The following CALN1 variants were observed in gnomAD, a reference collection of about 807,000 sequenced individuals.
CALN1 encodes calcium-binding protein 8.
In CALN1, 17 loss-of-function variants were observed where a neutral mutation model predicts 30.6. The ratio of observed to expected loss-of-function variants is 0.56; its 90% CI spans 0.38 to 0.83. The LOEUF is 0.83. Ranked by LOEUF, CALN1 falls within the 40% of genes least tolerant of loss-of-function variation. The probability of loss-of-function intolerance (pLI) is 0.00; values close to 1 mark genes in which losing one functional copy is unlikely to be tolerated. For missense variants in CALN1, 291 were observed against 354.9 expected, an observed-to-expected ratio of 0.82 and a Z score of 1.45; for synonymous variants, 156 against 131.4, an observed-to-expected ratio of 1.19 and a Z score of -1.28.
intron 2 of CALN1, among the ~76,000 whole-genome samples, chr7:72,326,099 C>T (rs767335553): frequency 8.5e-5 from 13 of 152,214 alleles, no homozygotes; most frequent in Admixed American, 2.6e-4. Context: ...GACGCAGTTT[C>T]ACCATGTTGG....
At chr7:72,014,542 A>G (rs1800271707) in intron 5 of CALN1, among the ~76,000 whole-genome samples, 1 of 152,182 alleles carries the variant, frequency 6.6e-6, no homozygotes. Context: ...TCAAATGTCT[A>G]TCAGTTGTCT....
the CALN1 span, among the ~76,000 whole-genome samples, chr7:72,462,668 C>T: frequency 1.3e-4 from 20 of 152,336 alleles, no homozygotes; most frequent in East Asian, 3.9e-4. Flanking sequence ...GCTTGCCCCA[C>T]GCAGGTTCAC....
intron 5 of CALN1, among the ~76,000 whole-genome samples, chr7:71,886,901 C>A (rs1792944306): frequency 1.3e-5 from 2 of 152,078 alleles, no homozygotes; most frequent in Non-Finnish European, 2.9e-5. Flanking sequence ...CAGAGACATG[C>A]CCTGAAACCA....
chr7:72,435,121 G>C (rs1156822327), intron 1 of CALN1, among the ~76,000 whole-genome samples: 1 of 152,036 alleles, frequency 6.6e-6, no homozygotes, highest in Non-Finnish European at 1.5e-5. Flanking sequence ...TGTAGTCCTA[G>C]CTATTCAGAA....
chr7:72,416,734 CAAAAAAA>C (rs4029798), upstream of CALN1, among the ~76,000 whole-genome samples: 8 of 77,692 alleles, frequency 1.0e-4, no homozygotes, highest in Non-Finnish European at 1.3e-4. Flanking sequence ...GACTCTGTCT[CAAAAAAA>C]AAAAAAAAAA....
the CALN1 span, among the ~76,000 whole-genome samples, chr7:72,499,902 T>TTTCTTTCA: frequency 1.8e-5 from 1 of 56,374 alleles, no homozygotes; most frequent in Non-Finnish European, 3.3e-5. Context: ...TCTTTCTTTC[T>TTTCTTTCA]TTCTTTCTTT....
intron 3 of CALN1, among the ~76,000 whole-genome samples, chr7:72,181,535 A>G (rs889981730): frequency 1.3e-5 from 2 of 148,668 alleles, no homozygotes; most frequent in African/African-American, 2.5e-5. Context: ...CTGGAGTGCT[A>G]TGGCATGGTC....
At chr7:71,909,402 G>A (rs532614708) in intron 5 of CALN1, among the ~76,000 whole-genome samples, 3 of 151,962 alleles carry the variant, frequency 2.0e-5, no homozygotes, top group African/African-American at 7.2e-5. Flanking sequence ...TCTCATGCAA[G>A]CACACCATTT....
intron 3 of CALN1, among the ~76,000 whole-genome samples, chr7:72,242,482 C>G (rs761338487): frequency 6.6e-6 from 1 of 152,214 alleles, no homozygotes; most frequent in Non-Finnish European, 1.5e-5. Context: ...AAAATCCACT[C>G]TAGTGGAGGA....
chr7:72,280,153 T>C (rs1797638836), intron 2 of CALN1, among the ~76,000 whole-genome samples: 1 of 152,196 alleles, frequency 6.6e-6, no homozygotes, highest in South Asian at 2.1e-4. Context: ...TAAAAATGAA[T>C]TAATTATCTT....
intron 2 of CALN1, among the ~76,000 whole-genome samples, chr7:72,314,581 C>T (rs1033726932): frequency 3.3e-5 from 5 of 151,476 alleles, no homozygotes; most frequent in Admixed American, 2.0e-4. Flanking sequence ...CACCACCACA[C>T]CTGGCTAATT....
chr7:72,028,329 A>G (rs1039754174), intron 4 of CALN1, among the ~76,000 whole-genome samples: 8 of 152,280 alleles, frequency 5.3e-5, no homozygotes, highest in East Asian at 3.9e-4. Context: ...GAACTGGTGC[A>G]TTTCACAGGT....
intron 2 of CALN1, among the ~76,000 whole-genome samples, chr7:72,287,950 C>T (rs1048500295): frequency 1.3e-5 from 2 of 151,864 alleles, no homozygotes; most frequent in Admixed American, 6.6e-5. Context: ...AATTGCACTC[C>T]AAAGTGATTG....
At chr7:72,429,960 C>T (rs1807920358) in intron 1 of CALN1, among the ~76,000 whole-genome samples, 1 of 150,358 alleles carries the variant, frequency 6.7e-6, no homozygotes, top group Non-Finnish European at 1.5e-5. Flanking sequence ...GCTGGGATTA[C>T]AGGCACCTGC....
chr7:71,936,454 A>G (rs996618773), intron 5 of CALN1, among the ~76,000 whole-genome samples: 1 of 150,150 alleles, frequency 6.7e-6, no homozygotes, highest in Non-Finnish European at 1.5e-5. Flanking sequence ...CTCCTCTGGC[A>G]CTGTACACCA....
chr7:72,204,585 C>A (rs574117222), intron 3 of CALN1, among the ~76,000 whole-genome samples: 1 of 152,250 alleles, frequency 6.6e-6, no homozygotes, highest in Admixed American at 6.5e-5. Flanking sequence ...GAGATCAAAT[C>A]ACTTTTCCAC....
chr7:71,994,851 AT>A (rs564198396), intron 5 of CALN1, among the ~76,000 whole-genome samples: 15,375 of 123,056 alleles, frequency 0.12, 2,302 homozygotes, highest in African/African-American at 0.37. Context: ...GCCCCTTCCT[AT>A]TTTTTTTTTT....
chr7:72,215,246 A>T (rs995058057), intron 3 of CALN1, among the ~76,000 whole-genome samples: 1 of 152,156 alleles, frequency 6.6e-6, no homozygotes, highest in Non-Finnish European at 1.5e-5. Flanking sequence ...CCTCTCCAGA[A>T]GCCTGACCCA....
chr7:72,036,136 AT>A (rs1394538106), intron 4 of CALN1, among the ~76,000 whole-genome samples: 1 of 152,130 alleles, frequency 6.6e-6, no homozygotes, highest in Non-Finnish European at 1.5e-5. Flanking sequence ...ATTGACAGGT[AT>A]TTTTTTCTTT....
Sources: gnomAD v4.1 joint callset for allele counts (sites outside exome capture counted in the v4.1 genomes callset) on GRCh38, gnomAD v4.1.1 for gene constraint, MANE v1.5 for transcripts, NCBI Gene and HGNC (gene_info 2026-07-23, HGNC 2026-07-21) for gene names.